DFFB: variants seen among roughly 807,000 people sequenced by gnomAD.
The protein encoded by DFFB is DNA fragmentation factor subunit beta, also known as DNA fragmentation factor 40 kDa subunit.
DFFB carries 29 observed loss-of-function variants against 32.7 expected under a neutral mutation model. That is an observed-to-expected ratio of 0.89 (90% CI 0.66 to 1.21). DFFB has a LOEUF of 1.21. Among genes scored for constraint, DFFB ranks in the 50% most tolerant of loss-of-function variants. The probability of loss-of-function intolerance (pLI) is 0.00; values close to 1 mark genes in which losing one functional copy is unlikely to be tolerated. For synonymous variants in DFFB, 170 were observed against 177.1 expected, an observed-to-expected ratio of 0.96 and a Z score of 0.32; for missense variants, 398 against 440.6, an observed-to-expected ratio of 0.90 and a Z score of 0.87.
At position 3,884,752 on chromosome 1, in the gene DFFB, G is replaced by A. The variant is rs191010288; in HGVS notation, c.*1011G>A. 6.6e-6 allele frequency: 1 copy of A among 152,232 alleles called. No individual in the cohort carries two copies. The highest frequency in any genetic ancestry group is 2.4e-5 in the African/African-American group (1 of 41,528). 9.4% of individuals were successfully genotyped at this position (152,232 alleles called of 1,614,324 possible). ...GGGCCAGCTAATTTTTGTATGTTTA[G>A]TAGAAACGGGGTTTCACCATGTTGG... On this transcript the variant is annotated 3_prime_UTR_variant, in exon 7 of 7. Transcript: ENST00000378209.
At chr1:3,862,603 G>A (rs1264321067) in intron 2 of DFFB, among the ~76,000 whole-genome samples, 2 of 152,174 alleles carry the variant, frequency 1.3e-5, no homozygotes, top group Non-Finnish European at 2.9e-5. Flanking sequence ...GGGAAGAGTA[G>A]TATCTTCAAC....
intron 5 of DFFB, among the ~76,000 whole-genome samples, chr1:3,870,905 C>T (rs929051710): frequency 6.6e-6 from 1 of 152,206 alleles, no homozygotes; most frequent in Non-Finnish European, 1.5e-5. Context: ...CACTGGGGCT[C>T]CCGGCACGTG....
intron 5 of DFFB, among the ~76,000 whole-genome samples, chr1:3,871,672 A>G (rs10909815): frequency 0.1 from 15,720 of 152,264 alleles, 874 homozygotes; most frequent in East Asian, 0.22. Flanking sequence ...CAGTAAGATC[A>G]CCTGACTTGG....
intron 6 of DFFB, among the ~76,000 whole-genome samples, chr1:3,877,722 G>A (rs7536320): frequency 0.041 from 6,277 of 152,176 alleles, 435 homozygotes; most frequent in African/African-American, 0.14. Flanking sequence ...GCATGTTTTC[G>A]TGTTTGTGTT....
Position 3,883,649 on chromosome 1 carries a change from A to G in DFFB, c.925A>G (p.Lys309Glu). ...ACTAGTGCACATTGTCTGCCATAAG[A>G]AAACCACCCACAAGCTCAACTGTGA... Reference protein sequence around the residue: ...LKLVHIVCHKKTTHKLNCDPS... With the variant: ...LKLVHIVCHKETTHKLNCDPS... Residue 309 changes from lysine to glutamate, a missense_variant, in exon 7 of 7, where the codon AAA (lysine) becomes GAA (glutamate). Transcript: ENST00000378209. The G allele has an allele frequency of 6.2e-7, 1 of 1,614,134 alleles. No individual in the cohort carries two copies. Among genetic ancestry groups the G allele is most frequent in the Non-Finnish European group, 8.5e-7 (1 of 1,180,040 alleles).
chr1:3,883,611 C>A lies in DFFB; in HGVS notation c.887C>A (p.Ser296Ter). Residue 296 changes from serine to a stop codon, truncating the protein, a stop_gained, in exon 7 of 7, where the codon TCA becomes TAA. Coordinates refer to ENST00000378209, the MANE Select transcript of DFFB (RefSeq NM_004402.4). LOFTEE classifies it low-confidence loss of function (END_TRUNC). ...TATTTTTATGGCCTGCTTTTTACCT[C>A]AGAGAACCTAAAACTAGTGCACATT... Reference protein sequence around the residue: ...WEYFYGLLFTSENLKLVHIVC... With the variant: ...WEYFYGLLFT 9 of 1,614,174 alleles carry A rather than the reference C, an allele frequency of 5.6e-6. No homozygotes were observed. The highest frequency in any genetic ancestry group is 6.8e-6 in the Non-Finnish European group (8 of 1,180,044).
At chr1:3,867,780 G>C (rs745735345) in intron 3 of DFFB, 194 bp from the exon 4 acceptor site, 13 of 595,898 alleles carry the variant, frequency 2.2e-5, no homozygotes, top group Non-Finnish European at 3.3e-5. Flanking sequence ...CTGAGCCCAG[G>C]AGGTTAAGGC....
rs114965104 is a variant in DFFB at position 3,859,334 on chromosome 1, G to A, written c.241+490G>A. ...AGTTTGGGGGCAATTGCTTTGAGAG[G>A]TGGTTCTTTCGGGGCATCTGTATTG... is the stretch of plus-strand genomic sequence containing the variant. On this transcript the variant is annotated intron_variant, in intron 2 of 6. Transcript: ENST00000378209. Among the ~76,000 whole-genome samples, 890 of 152,306 alleles carry A rather than the reference G, an allele frequency of 5.8e-3. 7 individuals carry two copies. The highest frequency in any genetic ancestry group is 0.02 in the African/African-American group (827 of 41,542).
chr1:3,872,915 C>A (rs1645149382), intron 6 of DFFB: 1 of 1,216,116 alleles, frequency 8.2e-7, no homozygotes, highest in Non-Finnish European at 1.0e-6. Context: ...GTCAGAGGTT[C>A]TGAACCTCTG....
intron 3 of DFFB, chr1:3,867,619 G>A (rs978293346): frequency 6.3e-5 from 15 of 238,936 alleles, no homozygotes; most frequent in African/African-American, 3.1e-4. Flanking sequence ...TTGGGAGGCC[G>A]AGGCTGGAAG....
intron 3 of DFFB, 48 bp from the exon 4 acceptor site, chr1:3,867,926 C>T (rs1386109258): frequency 2.5e-6 from 4 of 1,570,604 alleles, no homozygotes; most frequent in Admixed American, 1.7e-5. Context: ...GACCCAGAGG[C>T]CCCTGGCCTG....
chr1:3,880,748 G>A (rs1484330295), intron 6 of DFFB, among the ~76,000 whole-genome samples: 4 of 152,156 alleles, frequency 2.6e-5, no homozygotes, highest in Non-Finnish European at 4.4e-5. Flanking sequence ...CCTGGAGCTC[G>A]CTTGGGCCTG....
At chr1:3,859,475 G>A (rs1300306963) in intron 2 of DFFB, among the ~76,000 whole-genome samples, 1 of 152,228 alleles carries the variant, frequency 6.6e-6, no homozygotes, top group African/African-American at 2.4e-5. Context: ...GCCATCATGT[G>A]CCTTTACCTG....
chr1:3,862,494 AC>A (rs1437100887), intron 2 of DFFB, among the ~76,000 whole-genome samples: 1 of 152,248 alleles, frequency 6.6e-6, no homozygotes, highest in Non-Finnish European at 1.5e-5. Flanking sequence ...ATCAAGACTG[AC>A]ACTGGTACAA....
rs775398963 is a variant in DFFB at position 3,883,764 on chromosome 1, CTTTG to C, written c.*28_*31del. 4 of 1,601,698 alleles carry C rather than the reference CTTTG, an allele frequency of 2.5e-6. No individual in the cohort carries two copies. The highest frequency in any genetic ancestry group is 1.7e-5 in the Admixed American group (1 of 59,554). ...TGACACGTACACACCACGTCCTGGT[CTTTG>C]TTTGAGGCCTGACGTGGGCATCATT... On this transcript the variant is annotated 3_prime_UTR_variant, in exon 7 of 7. Coordinates refer to ENST00000378209, the MANE Select transcript of DFFB (RefSeq NM_004402.4).
At chr1:3,867,052 C>A (rs553548268) in intron 3 of DFFB, among the ~76,000 whole-genome samples, 2 of 152,252 alleles carry the variant, frequency 1.3e-5, no homozygotes, top group African/African-American at 4.8e-5. Context: ...CCTGCCACCA[C>A]GCCTGGCTAA....
intron 2 of DFFB, 171 bp downstream of exon 2, chr1:3,859,015 A>G (rs1644825223): frequency 2.3e-6 from 2 of 865,770 alleles, no homozygotes; most frequent in Non-Finnish European, 3.4e-6. Flanking sequence ...CTTAGGTGGC[A>G]GAGTCCTCAG....
chr1:3,877,858 TTTCTATTCTGTGCC>T (rs1645256413), intron 6 of DFFB, among the ~76,000 whole-genome samples: 1 of 152,102 alleles, frequency 6.6e-6, no homozygotes, highest in Non-Finnish European at 1.5e-5. Flanking sequence ...CTGTGCCGGC[TTTCTATTCTGTGCC>T]GGCTTTCTCT....
In DFFB at chr1:3,865,754, C is replaced by CG. The variant is rs752737114; in HGVS notation, c.242-54dup. The stretch of plus-strand genomic sequence containing the variant: ...TGTGGTCAGAGGCTCTTCTTGTGAC[C>CG]GGGGCAGGATGTGTCTTCTGCTGGA... On this transcript the variant is annotated intron_variant, in intron 2 of 6. Transcript: ENST00000378209. The surrounding 1 kb of genome is among the most constrained non-coding windows in gnomAD (Gnocchi z 4.7). 8 of 1,613,554 alleles carry CG rather than the reference C, an allele frequency of 5.0e-6. No individual in the cohort carries two copies. The African/African-American group carries it at 1.1e-4, about 22-fold the overall frequency.
Sources: allele counts gnomAD v4.1 joint callset (sites outside exome capture counted in the v4.1 genomes callset), GRCh38; gene constraint gnomAD v4.1.1; non-coding constraint Gnocchi (gnomAD v3.1); transcripts MANE v1.5; gene names NCBI Gene and HGNC (gene_info 2026-07-23, HGNC 2026-07-21).